The following ZFHX4 variants were observed in gnomAD, a reference collection of about 807,000 sequenced individuals.
ZFHX4 encodes the protein zinc finger homeobox protein 4.
A neutral mutation model predicts 267.6 loss-of-function variants in ZFHX4; 56 were observed. The ratio of observed to expected loss-of-function variants is 0.21; its 90% CI spans 0.17 to 0.26. The LOEUF is 0.26. Among genes scored for constraint, ZFHX4 ranks in the 10% least tolerant of loss-of-function variants. ZFHX4 has a pLI of 1.00. For synonymous variants in ZFHX4, 1,778 were observed against 1,665.6 expected (o/e 1.07, Z -1.64); for missense variants, 4,332 against 4,420.0 (o/e 0.98, Z 0.56).
Position 76,855,863 on chromosome 8 carries a change from G to A in ZFHX4, c.8942G>A (p.Arg2981Lys). Reference protein sequence around the residue: ...RVVQVWFQNARAKEKKFKINI... With the variant: ...RVVQVWFQNAKAKEKKFKINI... ...GTCCAGGTGTGGTTCCAAAATGCAA[G>A]GGCAAAGGAAAAGAAATTTAAAATT... Residue 2981 changes from arginine (R) to lysine (K), a missense_variant, in exon 10 of 11, where the codon AGG becomes AAG. Physicochemically the swap from Arg to Lys is conservative, Grantham distance 26. Coordinates refer to ENST00000651372, the MANE Select transcript of ZFHX4 (RefSeq NM_024721.5). 1 of 1,613,860 alleles carries A rather than the reference G, an allele frequency of 6.2e-7. No homozygotes were observed. The highest frequency in any genetic ancestry group is 8.5e-7 in the Non-Finnish European group (1 of 1,179,842).
At chr8:76,690,564 TA>T (rs1334188037) in intron 1 of ZFHX4, among the ~76,000 whole-genome samples, 3 of 152,080 alleles carry the variant, frequency 2.0e-5, no homozygotes, top group Non-Finnish European at 4.4e-5. Flanking sequence ...TAGTAGTTTT[TA>T]AAATACCATA....
chr8:76,757,551 T>G lies in ZFHX4; in HGVS notation c.3094-20657T>G, dbSNP rs144077373. ...ACTCCAGGGCTCTTTGACTTGCCCA[T>G]GGGCATGGAAGGTTTATGCCCAGGT... On this transcript the variant is annotated intron_variant, in intron 3 of 10. Coordinates refer to ENST00000651372, the MANE Select transcript of ZFHX4 (RefSeq NM_024721.5). Among the ~76,000 whole-genome samples the G allele has an allele frequency of 5.4e-3, 820 of 152,322 alleles. 5 individuals are homozygous for G. Among genetic ancestry groups the G allele is most frequent in the African/African-American group, 0.014 (599 of 41,586 alleles).
At chr8:76,795,756 C>G (rs116611795) in intron 4 of ZFHX4, among the ~76,000 whole-genome samples, 190 of 152,058 alleles carry the variant, frequency 1.2e-3, no homozygotes, top group African/African-American at 4.1e-3. Flanking sequence ...AGACTGGTCT[C>G]GATCTCCTGA....
chr8:76,857,823 A>C (rs1414821916), intron 10 of ZFHX4, among the ~76,000 whole-genome samples: 7 of 150,792 alleles, frequency 4.6e-5, no homozygotes, highest in Non-Finnish European at 1.0e-4. Context: ...GTGTTTGAAG[A>C]ATAATGCAAT....
intron 3 of ZFHX4, among the ~76,000 whole-genome samples, chr8:76,756,748 A>G (rs1809774116): frequency 6.6e-6 from 1 of 152,136 alleles, no homozygotes; most frequent in Non-Finnish European, 1.5e-5. Context: ...TCTAGGCAGC[A>G]AAGGTCCAAA....
chr8:76,819,518 T>C (rs575293245), intron 4 of ZFHX4, among the ~76,000 whole-genome samples: 44 of 152,222 alleles, frequency 2.9e-4, no homozygotes, highest in Non-Finnish European at 3.4e-4. Flanking sequence ...GAACTAGACA[T>C]GAGGTGAAAT....
At chr8:76,700,905 C>A (rs935781027) in intron 1 of ZFHX4, among the ~76,000 whole-genome samples, 5 of 152,190 alleles carry the variant, frequency 3.3e-5, no homozygotes, top group Admixed American at 6.5e-5. Context: ...GGTGAAGGAA[C>A]TTTTATAGTG....
intron 1 of ZFHX4, among the ~76,000 whole-genome samples, chr8:76,701,370 T>A (rs1252317599): frequency 6.6e-6 from 1 of 152,120 alleles, no homozygotes; most frequent in African/African-American, 2.4e-5. Flanking sequence ...GATTGGCAAT[T>A]TTCTGTAAAA....
chr8:76,757,206 A>G (rs376261507), intron 3 of ZFHX4, among the ~76,000 whole-genome samples: 2 of 152,190 alleles, frequency 1.3e-5, no homozygotes, highest in Non-Finnish European at 2.9e-5. Context: ...CTCGCAGTCT[A>G]AAGTGGAAGC....
intron 3 of ZFHX4, among the ~76,000 whole-genome samples, chr8:76,716,169 G>A (rs949585067): frequency 2.0e-5 from 3 of 151,906 alleles, no homozygotes; most frequent in Non-Finnish European, 4.4e-5. Context: ...TTGCAAGAAG[G>A]CCTCATTTAT....
intron 3 of ZFHX4, among the ~76,000 whole-genome samples, chr8:76,711,173 C>G (rs1231490830): frequency 6.6e-6 from 1 of 152,050 alleles, no homozygotes; most frequent in Admixed American, 6.6e-5. Flanking sequence ...ACAAACAAAG[C>G]TATATTCATT....
chr8:76,839,934 A>G (rs894169347), intron 5 of ZFHX4, among the ~76,000 whole-genome samples: 2 of 152,218 alleles, frequency 1.3e-5, no homozygotes, highest in Non-Finnish European at 2.9e-5. Context: ...AAGTCTATTT[A>G]TACAATGAAT....
chr8:76,740,685 G>A (rs1000810882), intron 3 of ZFHX4, among the ~76,000 whole-genome samples: 1 of 152,138 alleles, frequency 6.6e-6, no homozygotes, highest in Non-Finnish European at 1.5e-5. Flanking sequence ...GGTAAAGAAA[G>A]TCAGAAGAGT....
chr8:76,750,451 A>G (rs937703538), intron 3 of ZFHX4, among the ~76,000 whole-genome samples: 6 of 152,202 alleles, frequency 3.9e-5, no homozygotes, highest in African/African-American at 1.4e-4. Flanking sequence ...TATTTACAGT[A>G]AAATAAGTCA....
chr8:76,807,147 A>T (rs74620770), intron 4 of ZFHX4, among the ~76,000 whole-genome samples: 13 of 152,018 alleles, frequency 8.6e-5, no homozygotes, highest in Non-Finnish European at 1.8e-4. Flanking sequence ...GATTAAACTA[A>T]TTTTGTAGGA....
chr8:76,737,871 T>C (rs937932304), intron 3 of ZFHX4, among the ~76,000 whole-genome samples: 2 of 152,138 alleles, frequency 1.3e-5, no homozygotes, highest in Non-Finnish European at 2.9e-5. Flanking sequence ...TGTTAGCCAA[T>C]CAGAAATGGT....
chr8:76,739,478 T>G (rs1446721597), intron 3 of ZFHX4, among the ~76,000 whole-genome samples: 2 of 152,102 alleles, frequency 1.3e-5, no homozygotes, highest in East Asian at 3.9e-4. Context: ...GAGTTCACTC[T>G]TAAGAAAATT....
rs374995105 is a variant in ZFHX4, at chr8:76,737,810, G to T, written c.3093+29762G>T. Among the ~76,000 whole-genome samples, 7 of 152,188 alleles carry T rather than the reference G, an allele frequency of 4.6e-5. No individual in the cohort carries two copies. In the South Asian group the frequency reaches 1.0e-3, roughly 23 times the overall value. The stretch of plus-strand genomic sequence containing the variant: ...TAGGATAGGCTGTTTGTGAAAAGTG[G>T]TTATATTCACCATGAATTTGTCAGA... On this transcript the variant is annotated intron_variant, in intron 3 of 10. Coordinates refer to ENST00000651372, the MANE Select transcript of ZFHX4 (RefSeq NM_024721.5).
intron 3 of ZFHX4, among the ~76,000 whole-genome samples, chr8:76,734,074 A>G (rs1356505194): frequency 6.6e-6 from 1 of 152,188 alleles, no homozygotes; most frequent in Non-Finnish European, 1.5e-5. Flanking sequence ...TTTAGGGCTT[A>G]GGAGTACTTA....
Sources: allele counts gnomAD v4.1 joint callset (sites outside exome capture counted in the v4.1 genomes callset), GRCh38; gene constraint gnomAD v4.1.1; transcripts MANE v1.5; gene names NCBI Gene and HGNC (gene_info 2026-07-23, HGNC 2026-07-21).